GON4L: variants seen among roughly 807,000 people sequenced by gnomAD.
GON4L encodes the protein GON-4-like protein.
Under a neutral mutation model 211.8 loss-of-function variants are expected in GON4L, and 87 were observed. The observed-to-expected ratio is 0.41, with a 90% CI of 0.35 to 0.49. The LOEUF (loss-of-function observed/expected upper bound fraction) is 0.49. Ranked by LOEUF, GON4L falls within the 20% of genes least tolerant of loss-of-function variation. The pLI is 0.15. For synonymous variants in GON4L, 875 were observed against 962.6 expected, an observed-to-expected ratio of 0.91 and a Z score of 1.68; for missense variants, 2,155 against 2,659.5, an observed-to-expected ratio of 0.81 and a Z score of 4.17.
At chr1:155,809,950 AAAT>A (rs1432660238) in intron 10 of GON4L, among the ~76,000 whole-genome samples, 1 of 136,344 alleles carries the variant, frequency 7.3e-6, no homozygotes, top group South Asian at 2.1e-4. Context: ...ATATAATTAT[AAAT>A]TATATACATA....
At chr1:155,831,349 C>T (rs144936699) in intron 2 of GON4L, among the ~76,000 whole-genome samples, 1 of 151,932 alleles carries the variant, frequency 6.6e-6, no homozygotes, top group Admixed American at 6.6e-5. Context: ...TTTTGGGAGG[C>T]CAAGGCAGAA....
intron 27 of GON4L, chr1:155,756,454 A>G (rs758548057): frequency 1.3e-5 from 2 of 153,336 alleles, no homozygotes; most frequent in Non-Finnish European, 2.9e-5. Flanking sequence ...CAGTTTTCCC[A>G]AAGGCTCTGC....
intron 11 of GON4L, among the ~76,000 whole-genome samples, chr1:155,800,536 G>C (rs1201598016): frequency 6.7e-6 from 1 of 148,606 alleles, no homozygotes; most frequent in Admixed American, 6.8e-5. Flanking sequence ...CAGCCTGGGG[G>C]ACAAGAGTGA....
chr1:155,831,775 T>C (rs2102342910), intron 2 of GON4L, among the ~76,000 whole-genome samples: 1 of 152,014 alleles, frequency 6.6e-6, no homozygotes, highest in Non-Finnish European at 1.5e-5. Flanking sequence ...CTCCTGCCTA[T>C]AGTGCCAGTT....
chr1:155,748,645 C>T, downstream of GON4L: 1 of 1,613,346 alleles, frequency 6.2e-7, no homozygotes, highest in South Asian at 1.1e-5. Context: ...CCCTTGGCTC[C>T]AGGCCAGTCC....
intron 5 of GON4L, 101 bp from the exon 6 acceptor site, chr1:155,820,757 G>A (rs1052952172): frequency 1.2e-6 from 1 of 844,528 alleles, no homozygotes; most frequent in African/African-American, 1.7e-5. Context: ...AAGGTGGGAG[G>A]ATGGCTTGAG....
At chr1:155,807,848 C>G (rs1018443455) in intron 10 of GON4L, among the ~76,000 whole-genome samples, 1 of 151,488 alleles carries the variant, frequency 6.6e-6, no homozygotes, top group Admixed American at 6.6e-5. Flanking sequence ...AAAATGGTAG[C>G]TGGGATTTGG....
At position 155,763,368 on chromosome 1, in the gene GON4L, G is replaced by C. The variant is rs1417928879; in HGVS notation, c.4670C>G (p.Pro1557Arg). 1 of 1,613,478 alleles carries C rather than the reference G, an allele frequency of 6.2e-7. No individual in the cohort carries two copies. The highest frequency in any genetic ancestry group is 8.5e-7 in the Non-Finnish European group (1 of 1,179,682). Reference sequence around the variant, plus strand: ...AGCAGTCTCAGGTGAAGCAAAAGTAGGAGGCTTCTCAGCAGAGTCTCCAAC... The same window carrying C: ...AGCAGTCTCAGGTGAAGCAAAAGTACGAGGCTTCTCAGCAGAGTCTCCAAC... ...EAVGDSAEKP[P>R]TFASPETAPE... is the part of the protein sequence containing the mutation. Residue 1557 changes from proline to arginine, a missense_variant, in exon 22 of 32, where the codon CCT becomes CGT. Physicochemically the swap from Pro to Arg is moderately radical, Grantham distance 103 (BLOSUM62 -2). Transcript: ENST00000368331.
chr1:155,815,486 A>G (rs544380674), intron 8 of GON4L, among the ~76,000 whole-genome samples: 79 of 152,092 alleles, frequency 5.2e-4, no homozygotes, highest in African/African-American at 1.8e-3. Context: ...AGGGGGAGGG[A>G]GGTGATTGTG....
chr1:155,833,836 C>CT (rs960367829), intron 2 of GON4L, among the ~76,000 whole-genome samples: 10 of 149,956 alleles, frequency 6.7e-5, no homozygotes, highest in African/African-American at 2.0e-4. Context: ...CCTCCTTTTT[C>CT]TTTTTTTTAC....
At chr1:155,799,971 A>C (rs708609) in intron 11 of GON4L, among the ~76,000 whole-genome samples, 142,496 of 152,254 alleles carry the variant, frequency 0.94, 67,450 homozygotes, top group Non-Finnish European at 1. Context: ...GAGGCCGAGG[A>C]GGGCGGATCA....
At chr1:155,764,019 C>CAAAAAAA (rs1291363188) in intron 21 of GON4L, among the ~76,000 whole-genome samples, 2 of 32,358 alleles carry the variant, frequency 6.2e-5, no homozygotes, top group African/African-American at 8.8e-5. Flanking sequence ...AAAACAAAAA[C>CAAAAAAA]AAACAAAAAA....
In GON4L at chr1:155,785,389, G is replaced by A; in HGVS notation, c.1748-15C>T. ...TACTTCCTTTTCTGCAAGAAAGCCA[G>A]ACAGTATATTGTTGGTATAAATTAG... On this transcript the variant is annotated splice_polypyrimidine_tract_variant and intron_variant, in intron 12 of 31. Transcript: ENST00000368331. The A allele has an allele frequency of 6.4e-7, 1 of 1,568,646 alleles. No homozygotes were observed. Among genetic ancestry groups the A allele is most frequent in the African/African-American group, 1.3e-5 (1 of 74,172 alleles).
chr1:155,754,250 C>G (rs1217777259), intron 28 of GON4L, 125 bp downstream of exon 28: 1 of 753,516 alleles, frequency 1.3e-6, no homozygotes, highest in Non-Finnish European at 2.4e-6. Context: ...CATATGTACA[C>G]ATATGTGTAT....
chr1:155,853,053 A>G (rs1416271791), intron 2 of GON4L, among the ~76,000 whole-genome samples: 1 of 152,094 alleles, frequency 6.6e-6, no homozygotes, highest in Admixed American at 6.6e-5. Flanking sequence ...TGGAGGCTGC[A>G]GTGAGTCAAG....
At chr1:155,822,758 G>T (rs1314941650) in intron 3 of GON4L, among the ~76,000 whole-genome samples, 1 of 152,140 alleles carries the variant, frequency 6.6e-6, no homozygotes, top group Admixed American at 6.6e-5. Context: ...TTCCACGTTG[G>T]TTGTGGTAGC....
intron 3 of GON4L, among the ~76,000 whole-genome samples, chr1:155,825,764 C>T (rs1274659790): frequency 2.6e-5 from 4 of 151,766 alleles, no homozygotes; most frequent in Admixed American, 6.6e-5. Context: ...CTGGCTGGGC[C>T]GGGTGCGGTG....
At position 155,762,394 on chromosome 1, in the gene GON4L, G is replaced by T. The variant is rs1264942143; in HGVS notation, c.4727-20C>A. 6.3e-7 allele frequency: 1 copy of T among 1,581,334 alleles called. No homozygotes were observed. The highest frequency in any genetic ancestry group is 8.6e-7 in the Non-Finnish European group (1 of 1,158,106). ...TCTCTCCTTGTAGCACACATGAAAA[G>T]GATTGTTTCCCTGTCCCTGCAACCT... On this transcript the variant is annotated intron_variant, in intron 22 of 31. Transcript: ENST00000368331.
At chr1:155,751,499 A>G (rs1660579927) in intron 31 of GON4L, among the ~76,000 whole-genome samples, 1 of 152,160 alleles carries the variant, frequency 6.6e-6, no homozygotes, top group Admixed American at 6.5e-5. Context: ...TAGTGAGCTG[A>G]GATTGTGCCA....
Sources: allele counts gnomAD v4.1 joint callset (sites outside exome capture counted in the v4.1 genomes callset), GRCh38; gene constraint gnomAD v4.1.1; transcripts MANE v1.5; gene names NCBI Gene and HGNC (gene_info 2026-07-23, HGNC 2026-07-21).